AKAP13: variants seen among roughly 807,000 people sequenced by gnomAD.
The protein encoded by AKAP13 is A-kinase anchor protein 13.
Under a neutral mutation model 264.5 loss-of-function variants are expected in AKAP13, and 80 were observed. That is an observed-to-expected ratio of 0.30 (90% CI 0.25 to 0.36). AKAP13 has a LOEUF of 0.36. Ranked by LOEUF, AKAP13 falls within the 10% of genes least tolerant of loss-of-function variation. The probability of loss-of-function intolerance (pLI) is 1.00; values close to 1 mark genes in which losing one functional copy is unlikely to be tolerated. For synonymous variants in AKAP13, 1,380 were observed against 1,250.2 expected (o/e 1.10, Z -2.19); for missense variants, 3,712 against 3,435.2 (o/e 1.08, Z -2.01).
chr15:85,660,011 C>G (rs898771066), intron 12 of AKAP13, among the ~76,000 whole-genome samples: 2 of 152,100 alleles, frequency 1.3e-5, no homozygotes, highest in African/African-American at 4.8e-5. Flanking sequence ...CCAGAAAGGG[C>G]AGACGTTGTA....
chr15:85,623,177 T>C (rs1472539213), intron 8 of AKAP13, among the ~76,000 whole-genome samples: 1 of 152,258 alleles, frequency 6.6e-6, no homozygotes, highest in Admixed American at 6.5e-5. Flanking sequence ...TCTCCACTTT[T>C]ATCTGTGGAA....
In AKAP13 at chr15:85,485,725, A is replaced by T. The variant is rs2075519879; in HGVS notation, c.5A>T (p.Lys2Ile). Residue 2 changes from lysine (K) to isoleucine (I), a missense_variant, in exon 2 of 37, where the codon AAA (lysine) becomes ATA (isoleucine). Around this residue, in one of 3 missense-constraint regions of AKAP13, gnomAD observed 2,759 missense variants for 2,411.7 expected, o/e 1.14. Transcript: ENST00000394518. M[K>I]LNPQQAPLYG... ...TCTGTTTCAGTGTCCTGGGTCATGA[A>T]ACTTAATCCACAGCAAGCTCCCTTA... 4 of 1,613,408 alleles carry T rather than the reference A, an allele frequency of 2.5e-6. No individual in the cohort carries two copies. Among genetic ancestry groups the T allele is most frequent in the Non-Finnish European group, 3.4e-6 (4 of 1,179,512 alleles).
chr15:85,537,057 G>A (rs2077425514), intron 4 of AKAP13: 1 of 152,236 alleles, frequency 6.6e-6, no homozygotes, highest in Admixed American at 6.5e-5. Flanking sequence ...CTTGATAGAA[G>A]TGTCTTTAAG....
chr15:85,508,682 G>A (rs529686265), intron 2 of AKAP13, among the ~76,000 whole-genome samples: 57 of 150,496 alleles, frequency 3.8e-4, no homozygotes, highest in African/African-American at 1.4e-3. Context: ...CCCTCCAATG[G>A]TTTAGCATCA....
intron 34 of AKAP13, 153 bp downstream of exon 34, chr15:85,740,425 T>TA: frequency 1.3e-6 from 1 of 781,190 alleles, no homozygotes. Context: ...GTGAGAAAGT[T>TA]ACAGAATGCA....
At chr15:85,588,822 T>C (rs1242038490) in intron 8 of AKAP13, among the ~76,000 whole-genome samples, 1 of 152,190 alleles carries the variant, frequency 6.6e-6, no homozygotes, top group Non-Finnish European at 1.5e-5. Context: ...AATCTGGGAC[T>C]TACACAACAG....
At chr15:85,502,049 G>A (rs2076051042) in intron 2 of AKAP13, among the ~76,000 whole-genome samples, 1 of 152,102 alleles carries the variant, frequency 6.6e-6, no homozygotes, top group Non-Finnish European at 1.5e-5. Context: ...TCACCAGGAG[G>A]GCTTATTAAA....
chr15:85,423,106 T>G (rs573403704), intron 1 of AKAP13, among the ~76,000 whole-genome samples: 1 of 152,366 alleles, frequency 6.6e-6, no homozygotes, highest in East Asian at 1.9e-4. Context: ...AGTCGTGATC[T>G]TTTTGCTGGA....
chr15:85,519,787 G>A (rs1421292753), intron 2 of AKAP13, among the ~76,000 whole-genome samples: 1 of 152,164 alleles, frequency 6.6e-6, no homozygotes, highest in Non-Finnish European at 1.5e-5. Flanking sequence ...TCCTAGGTTT[G>A]ACTTGATGAT....
At chr15:85,603,212 C>T (rs1027744626) in intron 8 of AKAP13, among the ~76,000 whole-genome samples, 1 of 152,198 alleles carries the variant, frequency 6.6e-6, no homozygotes, top group Non-Finnish European at 1.5e-5. Flanking sequence ...AGTGATTTTT[C>T]TCAAGACAGG....
intron 9 of AKAP13, among the ~76,000 whole-genome samples, chr15:85,640,249 G>C (rs1036827011): frequency 2.0e-5 from 3 of 152,130 alleles, no homozygotes; most frequent in East Asian, 1.9e-4. Context: ...CCTGTTCTAC[G>C]ACTGCTAAGT....
At chr15:85,507,361 T>C (rs538301091) in intron 2 of AKAP13, among the ~76,000 whole-genome samples, 7 of 149,122 alleles carry the variant, frequency 4.7e-5, no homozygotes, top group Admixed American at 1.4e-4. Context: ...TTATGTATTG[T>C]CTATGGCTCC....
intron 1 of AKAP13, among the ~76,000 whole-genome samples, chr15:85,459,012 CT>C (rs1011913954): frequency 2.6e-5 from 4 of 152,196 alleles, no homozygotes; most frequent in Non-Finnish European, 4.4e-5. Flanking sequence ...AACTATATCA[CT>C]TTTGTGCGAA....
Position 85,718,726 on chromosome 15 carries a change from C to T in AKAP13, c.6002-350C>T, listed in dbSNP as rs1018420837. ...GACTAGCCTGGGAACATAGTGAAAC[C>T]CCATTTCTATAAAAAATACAAAAAT... On this transcript the variant is annotated intron_variant, in intron 22 of 36. Transcript: ENST00000394518. This position sits in a 1 kb window ranked among gnomAD's most constrained non-coding sequence, Gnocchi z 4.9. The T allele has an allele frequency of 6.1e-4, 169 of 275,058 alleles. 2 individuals carry two copies. Among genetic ancestry groups the T allele is most frequent in the Admixed American group, 3.5e-4 (7 of 19,826 alleles). The allele number at this position is 275,058 out of a possible 1,614,324, so 17.0% of individuals were successfully genotyped here.
intron 1 of AKAP13, among the ~76,000 whole-genome samples, chr15:85,407,426 GAC>G (rs2071725771): frequency 6.6e-6 from 1 of 151,516 alleles, no homozygotes; most frequent in African/African-American, 2.4e-5. Flanking sequence ...TTTTAGTAGA[GAC>G]AGGGTTTCAC....
chr15:85,442,433 T>TATA (rs1271580763), intron 1 of AKAP13, among the ~76,000 whole-genome samples: 2 of 128,550 alleles, frequency 1.6e-5, no homozygotes, highest in Non-Finnish European at 3.2e-5. Context: ...AATATATATA[T>TATA]ATATAATATA....
chr15:85,732,035 A>C (rs1472521718), intron 30 of AKAP13, among the ~76,000 whole-genome samples: 1 of 149,482 alleles, frequency 6.7e-6, no homozygotes, highest in Admixed American at 6.7e-5. Context: ...GTGAGCTGAG[A>C]TCGTATCACT....
At chr15:85,628,054 T>C (rs1007998264) in intron 8 of AKAP13, among the ~76,000 whole-genome samples, 6 of 152,226 alleles carry the variant, frequency 3.9e-5, no homozygotes, top group Non-Finnish European at 4.4e-5. Flanking sequence ...TGTGTACCTA[T>C]TGTATTACAC....
chr15:85,460,332 A>G (rs563277501), intron 1 of AKAP13, among the ~76,000 whole-genome samples: 20 of 152,344 alleles, frequency 1.3e-4, no homozygotes, highest in African/African-American at 4.1e-4. Flanking sequence ...TGGAAAGTAC[A>G]CAGCCCCCGA....
Sources: allele counts gnomAD v4.1 joint callset (sites outside exome capture counted in the v4.1 genomes callset), GRCh38; gene constraint gnomAD v4.1.1; regional missense constraint gnomAD v4.1.1; non-coding constraint Gnocchi (gnomAD v3.1); transcripts MANE v1.5; gene names NCBI Gene and HGNC (gene_info 2026-07-23, HGNC 2026-07-21).